Variants in NXPH1 observed in about 807,000 individuals in gnomAD.
The protein encoded by NXPH1 is neurexophilin-1.
Under a neutral mutation model 23.7 loss-of-function variants are expected in NXPH1, and 5 were observed. The ratio of observed to expected loss-of-function variants is 0.21; its 90% CI spans 0.11 to 0.44. The LOEUF is 0.44. Among genes scored for constraint, NXPH1 ranks in the 20% least tolerant of loss-of-function variants. The pLI, the probability that NXPH1 is intolerant of heterozygous loss-of-function variation, is 0.99. For missense variants in NXPH1, 324 were observed against 321.6 expected (o/e 1.01, Z -0.06); for synonymous variants, 144 against 122.2 (o/e 1.18, Z -1.18).
At chr7:8,476,258 GA>G (rs776619457) in intron 2 of NXPH1, among the ~76,000 whole-genome samples, 12 of 152,138 alleles carry the variant, frequency 7.9e-5, no homozygotes, top group Non-Finnish European at 1.6e-4. Flanking sequence ...CGGTGCAAGT[GA>G]GTGTGGATAT....
intron 2 of NXPH1, among the ~76,000 whole-genome samples, chr7:8,576,845 T>A (rs1183817955): frequency 6.6e-6 from 1 of 152,226 alleles, no homozygotes; most frequent in East Asian, 1.9e-4. Flanking sequence ...TCCTATAGGG[T>A]CAGAGTTATG....
chr7:8,526,161 T>C (rs1817858562), intron 2 of NXPH1, among the ~76,000 whole-genome samples: 1 of 152,234 alleles, frequency 6.6e-6, no homozygotes. Context: ...GTGAGCTGGA[T>C]GTGAGATCTG....
At chr7:8,641,062 T>G (rs2115143170) in intron 2 of NXPH1, among the ~76,000 whole-genome samples, 1 of 152,314 alleles carries the variant, frequency 6.6e-6, no homozygotes, top group East Asian at 1.9e-4. Flanking sequence ...TTGCACAGAC[T>G]TCCATGTAAG....
chr7:8,474,349 G>C (rs1264501548), intron 2 of NXPH1, among the ~76,000 whole-genome samples: 1 of 152,020 alleles, frequency 6.6e-6, no homozygotes, highest in African/African-American at 2.4e-5. Flanking sequence ...AAGCTTTCTT[G>C]TTTTTATTAA....
At chr7:8,471,984 C>T (rs764042730) in intron 2 of NXPH1, among the ~76,000 whole-genome samples, 21 of 151,400 alleles carry the variant, frequency 1.4e-4, no homozygotes, top group East Asian at 7.7e-4. Flanking sequence ...ATATCCTACA[C>T]GATGGCCATA....
chr7:8,584,239 A>T (rs1216422345), intron 2 of NXPH1, among the ~76,000 whole-genome samples: 2 of 152,140 alleles, frequency 1.3e-5, no homozygotes, highest in African/African-American at 4.8e-5. Context: ...AGATAGTCAG[A>T]CTGTAGAGCC....
At chr7:8,568,058 G>A (rs191720551) in intron 2 of NXPH1, among the ~76,000 whole-genome samples, 7 of 151,842 alleles carry the variant, frequency 4.6e-5, no homozygotes, top group Non-Finnish European at 7.4e-5. Context: ...TGCTATTTTC[G>A]GGATAGATAT....
At chr7:8,569,888 G>C (rs1433509314) in intron 2 of NXPH1, among the ~76,000 whole-genome samples, 1 of 151,858 alleles carries the variant, frequency 6.6e-6, no homozygotes. Context: ...GTGTCTATGG[G>C]CATTCACCTC....
chr7:8,715,487 G>C (rs1779862664), intron 2 of NXPH1, among the ~76,000 whole-genome samples: 1 of 152,108 alleles, frequency 6.6e-6, no homozygotes, highest in Non-Finnish European at 1.5e-5. Flanking sequence ...TCAGGAGGAG[G>C]CTTCTATTCG....
chr7:8,465,361 A>T (rs1307208179), intron 2 of NXPH1, among the ~76,000 whole-genome samples: 4 of 152,146 alleles, frequency 2.6e-5, no homozygotes, highest in Admixed American at 1.3e-4. Flanking sequence ...TGCTCAGGTG[A>T]CATTGGGGAT....
In NXPH1 at chr7:8,751,886, G is replaced by A. The variant is rs1023171077; in HGVS notation, c.*117G>A. The A allele has an allele frequency of 1.0e-4, 100 of 979,066 alleles. 1 individual carries two copies. In the East Asian group the frequency reaches 2.6e-3, roughly 26 times the overall value. The allele number at this position is 979,066 out of a possible 1,614,324, so 60.6% of individuals were successfully genotyped here. ...GGAATGTGTCTACACTGCTGCTCTTGTCAACTGGCTGCAAAATACACTAGT... is the reference window on the plus strand; with the variant it reads ...GGAATGTGTCTACACTGCTGCTCTTATCAACTGGCTGCAAAATACACTAGT... On this transcript the variant is annotated 3_prime_UTR_variant, in exon 3 of 3. Transcript: ENST00000405863. The surrounding 1 kb of genome is among the most constrained non-coding windows in gnomAD (Gnocchi z 4.5).
At chr7:8,443,499 C>T (rs369723333) in intron 2 of NXPH1, among the ~76,000 whole-genome samples, 3 of 152,260 alleles carry the variant, frequency 2.0e-5, no homozygotes, top group Non-Finnish European at 4.4e-5. Flanking sequence ...TGCCCCTCTT[C>T]CCCCGGCGAG....
intron 2 of NXPH1, among the ~76,000 whole-genome samples, chr7:8,473,684 G>T (rs1333447172): frequency 2.0e-5 from 3 of 150,082 alleles, no homozygotes; most frequent in Non-Finnish European, 4.4e-5. Flanking sequence ...GATTCTAAAG[G>T]CATTCTAAGG....
chr7:8,506,136 C>T (rs1817518102), intron 2 of NXPH1, among the ~76,000 whole-genome samples: 2 of 152,106 alleles, frequency 1.3e-5, no homozygotes, highest in South Asian at 2.1e-4. Context: ...TATAATTTAT[C>T]TATTATAAAA....
Position 8,674,269 on chromosome 7 carries a change from GA to G in NXPH1, c.55-76734del, listed in dbSNP as rs1269321332. Among the ~76,000 whole-genome samples the G allele has an allele frequency of 2.0e-5, 3 of 151,518 alleles. No individual in the cohort carries two copies. In the East Asian group the frequency reaches 5.8e-4, roughly 29 times the overall value. ...TATTAATAGTTCTATTGTACAAATG[GA>G]AAAATTGAAGATGAGAAAAATTCTG... On this transcript the variant is annotated intron_variant, in intron 2 of 2. Transcript: ENST00000405863.
intron 2 of NXPH1, among the ~76,000 whole-genome samples, chr7:8,579,534 A>G (rs540691259): frequency 6.6e-6 from 1 of 152,100 alleles, no homozygotes; most frequent in African/African-American, 2.4e-5. Context: ...CACCATGCCC[A>G]GCTAATTTTG....
At chr7:8,724,363 T>G (rs1780015999) in intron 2 of NXPH1, among the ~76,000 whole-genome samples, 1 of 152,200 alleles carries the variant, frequency 6.6e-6, no homozygotes, top group Non-Finnish European at 1.5e-5. Context: ...TCTCAGTATT[T>G]GAAGTCAGTG....
chr7:8,556,848 G>A (rs1054057420), intron 2 of NXPH1, among the ~76,000 whole-genome samples: 6 of 151,642 alleles, frequency 4.0e-5, no homozygotes, highest in African/African-American at 1.5e-4. Context: ...TCTGTGTCAG[G>A]CATGGGCTAA....
intron 2 of NXPH1, among the ~76,000 whole-genome samples, chr7:8,481,102 G>C (rs1295637751): frequency 6.6e-6 from 1 of 152,152 alleles, no homozygotes. Context: ...GTGGATGTTG[G>C]TTGAGAGTTC....
Sources: gnomAD v4.1 joint callset for allele counts (sites outside exome capture counted in the v4.1 genomes callset) on GRCh38, gnomAD v4.1.1 for gene constraint, Gnocchi (gnomAD v3.1) non-coding constraint, MANE v1.5 for transcripts, NCBI Gene and HGNC (gene_info 2026-07-23, HGNC 2026-07-21) for gene names.